Variants in ANKS1B observed in about 807,000 individuals in gnomAD.
The protein encoded by ANKS1B is ankyrin repeat and sterile alpha motif domain containing 1B, also known as ankyrin repeat and sterile alpha motif domain-containing protein 1B.
A neutral mutation model predicts 148.3 loss-of-function variants in ANKS1B; 36 were observed. That is an observed-to-expected ratio of 0.24 (90% confidence interval 0.19 to 0.32). The LOEUF is 0.32. Among genes scored for constraint, ANKS1B ranks in the 10% least tolerant of loss-of-function variants. The pLI, the probability that ANKS1B is intolerant of heterozygous loss-of-function variation, is 1.00. For missense variants in ANKS1B, 1,157 were observed against 1,542.6 expected (o/e 0.75, Z 4.19); for synonymous variants, 542 against 560.8 (o/e 0.97, Z 0.47).
At position 99,655,081 on chromosome 12, in the gene ANKS1B, G is replaced by A; in HGVS notation, c.1258C>T (p.Pro420Ser). Reference protein sequence around the residue: ...PCNGCRNLGFPMLAQESYPKK... With the variant: ...PCNGCRNLGFSMLAQESYPKK... ...CAAACTTTTACCTGGGCAAGCATGG[G>A]GAAGCCAAGGTTCCTACATCCATTA... The change falls in exon 9 of 27, where the codon CCC becomes TCC. Residue 420 changes from proline to serine, a missense_variant. Physicochemically the swap from Pro to Ser is moderately conservative, Grantham distance 74. Around this residue, in one of 6 missense-constraint regions of ANKS1B, gnomAD observed 661 missense variants for 642.1 expected, o/e 1.03. Transcript: ENST00000683438. 1.3e-6 allele frequency: 2 copies of A among 1,580,330 alleles called. No homozygotes were observed. Among genetic ancestry groups the A allele is most frequent in the East Asian group, 2.3e-5 (1 of 44,362 alleles).
At chr12:99,176,937 GTTT>G (rs1566558434) in intron 14 of ANKS1B, among the ~76,000 whole-genome samples, 2 of 152,118 alleles carry the variant, frequency 1.3e-5, no homozygotes, top group African/African-American at 4.8e-5. Context: ...AGTCTCAGAT[GTTT>G]CTTTATTGCA....
intron 8 of ANKS1B, among the ~76,000 whole-genome samples, chr12:99,745,202 T>C (rs929610879): frequency 5.3e-5 from 8 of 152,034 alleles, no homozygotes; most frequent in African/African-American, 1.9e-4. Context: ...AAACATAACA[T>C]AACTGATCAC....
intron 1 of ANKS1B, among the ~76,000 whole-genome samples, chr12:99,924,472 T>C (rs1199555465): frequency 6.6e-6 from 1 of 152,166 alleles, no homozygotes; most frequent in Non-Finnish European, 1.5e-5. Context: ...TTTCTTAGGA[T>C]GCCAAGATGA....
intron 11 of ANKS1B, among the ~76,000 whole-genome samples, chr12:99,430,295 G>A (rs1320286367): frequency 6.6e-6 from 1 of 152,114 alleles, no homozygotes; most frequent in Non-Finnish European, 1.5e-5. Flanking sequence ...GAAGAGAAAA[G>A]CTTAGAAAGA....
intron 1 of ANKS1B, among the ~76,000 whole-genome samples, chr12:99,967,135 T>A (rs960399869): frequency 6.6e-6 from 1 of 152,208 alleles, no homozygotes; most frequent in Non-Finnish European, 1.5e-5. Flanking sequence ...ATAATTATGA[T>A]TTATAATTAT....
intron 17 of ANKS1B, among the ~76,000 whole-genome samples, chr12:98,871,960 C>T (rs773274831): frequency 1.3e-4 from 19 of 151,910 alleles, no homozygotes; most frequent in Non-Finnish European, 2.8e-4. Context: ...TATTTTCATT[C>T]GAAACAGAGC....
chr12:99,829,806 G>A (rs1187341800), intron 1 of ANKS1B, among the ~76,000 whole-genome samples: 5 of 152,096 alleles, frequency 3.3e-5, no homozygotes, highest in Admixed American at 3.3e-4. Flanking sequence ...CTCCAGCCTG[G>A]GCGACAGAGT....
At chr12:99,919,014 A>C (rs1357283563) in intron 1 of ANKS1B, among the ~76,000 whole-genome samples, 1 of 152,222 alleles carries the variant, frequency 6.6e-6, no homozygotes, top group African/African-American at 2.4e-5. Flanking sequence ...CAACCAGGCT[A>C]GGAGTTTTCA....
intron 9 of ANKS1B, 81 bp from the exon 10 acceptor site, chr12:99,504,722 AG>A: frequency 9.4e-7 from 1 of 1,068,328 alleles, no homozygotes; most frequent in Non-Finnish European, 1.3e-6. Context: ...AAAGATAATC[AG>A]GTTCATTAGT....
chr12:99,689,537 A>G (rs1347517961), intron 8 of ANKS1B, among the ~76,000 whole-genome samples: 2 of 152,234 alleles, frequency 1.3e-5, no homozygotes, highest in African/African-American at 2.4e-5. Context: ...TTACCTGGCC[A>G]AAGAAGTTAT....
In ANKS1B at chr12:98,768,910, A is replaced by ACT. The variant is rs200821002; in HGVS notation, c.3579+4130_3579+4131dup. ...GGGGGCTCCAGGCCTCCTTTCTCGG[A>ACT]CTACAATTTCTATGAGAAAATGCTC... On this transcript the variant is annotated intron_variant, in intron 25 of 26. Transcript: ENST00000683438. Among the ~76,000 whole-genome samples the ACT allele has an allele frequency of 5.9e-3, 903 of 152,058 alleles. 5 individuals carry two copies. Among genetic ancestry groups the ACT allele is most frequent in the Middle Eastern group, 0.017 (5 of 294 alleles).
chr12:98,802,049 G>C (rs1227254796), intron 20 of ANKS1B, among the ~76,000 whole-genome samples: 1 of 152,198 alleles, frequency 6.6e-6, no homozygotes, highest in Admixed American at 6.5e-5. Flanking sequence ...CTTTCTCCTG[G>C]GAAAGATTTG....
At chr12:99,138,681 AC>A (rs1381076143) in intron 15 of ANKS1B, among the ~76,000 whole-genome samples, 1 of 152,088 alleles carries the variant, frequency 6.6e-6, no homozygotes, top group Non-Finnish European at 1.5e-5. Context: ...GCATTACATG[AC>A]CCCTAGGGTT....
At position 99,137,240 on chromosome 12, in the gene ANKS1B, C is replaced by T. The variant is rs12230720; in HGVS notation, c.2526+17049G>A. On this transcript the variant is annotated intron_variant, in intron 15 of 26. Transcript: ENST00000683438. ...GTCTTCTGAATTAGTATCAATAAAA[C>T]GCTTTCTAACAGGATCTTTGACACC... Among the ~76,000 whole-genome samples, 247 of 152,250 alleles carry T rather than the reference C, an allele frequency of 1.6e-3. 2 individuals carry two copies. In the East Asian group the frequency reaches 0.037, roughly 23 times the overall value.
rs889496192 is a variant in ANKS1B, at chr12:98,745,632, C to T, written c.*107G>A. ...TTCGCCCGTAACAAGGCCGCACGCT[C>T]AGAGCAGTCTTCCTCCTGGGCTGGG... On this transcript the variant is annotated 3_prime_UTR_variant, in exon 27 of 27. Coordinates refer to ENST00000683438, the MANE Select transcript of ANKS1B (RefSeq NM_001352186.2). 8 of 1,502,748 alleles carry T rather than the reference C, an allele frequency of 5.3e-6. 1 individual carries two copies. The South Asian group carries it at 8.0e-5, about 15-fold the overall frequency. The allele number at this position is 1,502,748 out of a possible 1,614,324, so 93.1% of individuals were successfully genotyped here.
intron 10 of ANKS1B, among the ~76,000 whole-genome samples, chr12:99,466,844 G>A (rs1378330002): frequency 4.0e-5 from 6 of 151,702 alleles, no homozygotes; most frequent in South Asian, 2.1e-4. Context: ...ATTCACAGTC[G>A]AATTCTACCA....
intron 19 of ANKS1B, among the ~76,000 whole-genome samples, chr12:98,817,746 A>G (rs923137869): frequency 2.6e-5 from 4 of 152,232 alleles, no homozygotes; most frequent in Non-Finnish European, 2.9e-5. Flanking sequence ...AAAAGGTCTC[A>G]GCTGAACTAT....
At chr12:99,356,818 G>A (rs1029821561) in intron 12 of ANKS1B, among the ~76,000 whole-genome samples, 10 of 152,004 alleles carry the variant, frequency 6.6e-5, no homozygotes, top group African/African-American at 1.2e-4. Flanking sequence ...AAGTCTATAC[G>A]TGTTTACTAG....
At chr12:98,884,905 A>G (rs1259987571) in intron 17 of ANKS1B, among the ~76,000 whole-genome samples, 3 of 151,938 alleles carry the variant, frequency 2.0e-5, no homozygotes, top group Non-Finnish European at 4.4e-5. Flanking sequence ...TAGTAGACCC[A>G]ATGATCTGCT....
Sources: gnomAD v4.1 joint callset for allele counts (sites outside exome capture counted in the v4.1 genomes callset) on GRCh38, gnomAD v4.1.1 for gene constraint, gnomAD v4.1.1 regional missense constraint, MANE v1.5 for transcripts, NCBI Gene and HGNC (gene_info 2026-07-23, HGNC 2026-07-21) for gene names.